Variants in NECAB1 observed in about 807,000 individuals in gnomAD.
NECAB1 encodes the protein N-terminal EF-hand calcium binding protein 1, also known as N-terminal EF-hand calcium-binding protein 1.
Under a neutral mutation model 57.5 loss-of-function variants are expected in NECAB1, and 29 were observed. That is an observed-to-expected ratio of 0.50 (90% CI 0.38 to 0.69). The LOEUF is 0.69. Among genes scored for constraint, NECAB1 ranks in the 30% least tolerant of loss-of-function variants. NECAB1 has a pLI of 0.00. For missense variants in NECAB1, 372 were observed against 413.8 expected (o/e 0.90, Z 0.88); for synonymous variants, 142 against 147.7 (o/e 0.96, Z 0.28).
intron 5 of NECAB1, among the ~76,000 whole-genome samples, chr8:90,906,883 A>ATATATGTATG (rs1554574051): frequency 1.2e-5 from 1 of 80,758 alleles, no homozygotes; most frequent in Non-Finnish European, 2.4e-5. Flanking sequence ...ACACATATAT[A>ATATATGTATG]TATATATATA....
chr8:90,865,630 C>A (rs749368490), intron 3 of NECAB1, among the ~76,000 whole-genome samples: 4 of 152,170 alleles, frequency 2.6e-5, no homozygotes, highest in Non-Finnish European at 4.4e-5. Context: ...TCCACTTCTA[C>A]CCTGGTATGG....
chr8:90,879,199 T>C (rs1307150078), intron 4 of NECAB1, among the ~76,000 whole-genome samples: 1 of 146,638 alleles, frequency 6.8e-6, no homozygotes, highest in Non-Finnish European at 1.5e-5. Flanking sequence ...CTTTCTTTTT[T>C]TTTTTTTTTA....
intron 1 of NECAB1, among the ~76,000 whole-genome samples, chr8:90,800,820 G>A (rs756564810): frequency 6.6e-6 from 1 of 152,158 alleles, no homozygotes; most frequent in Non-Finnish European, 1.5e-5. Flanking sequence ...ACCGTGACCA[G>A]AGGGATATGA....
chr8:90,926,940 T>C (rs898662493), intron 7 of NECAB1, among the ~76,000 whole-genome samples: 13 of 152,054 alleles, frequency 8.5e-5, no homozygotes, highest in African/African-American at 3.1e-4. Flanking sequence ...AATTGAAGAA[T>C]TGGGAAAAAT....
At chr8:90,814,785 T>C (rs1250371493) in intron 2 of NECAB1, among the ~76,000 whole-genome samples, 2 of 152,008 alleles carry the variant, frequency 1.3e-5, no homozygotes, top group Non-Finnish European at 2.9e-5. Flanking sequence ...CTAGAAAAAA[T>C]TATTTCTCTG....
chr8:90,800,540 G>A (rs1468973410), intron 1 of NECAB1, among the ~76,000 whole-genome samples: 21 of 152,064 alleles, frequency 1.4e-4, no homozygotes, highest in Non-Finnish European at 5.9e-5. Context: ...AAGGAAGGTT[G>A]GATTTTATCA....
intron 5 of NECAB1, among the ~76,000 whole-genome samples, chr8:90,913,354 T>A (rs937521762): frequency 3.3e-5 from 4 of 122,654 alleles, no homozygotes; most frequent in Non-Finnish European, 6.3e-5. Context: ...CTTAATGATT[T>A]GTGTAACTAA....
chr8:90,886,323 T>C (rs1344598741), intron 5 of NECAB1, among the ~76,000 whole-genome samples: 1 of 152,086 alleles, frequency 6.6e-6, no homozygotes, highest in African/African-American at 2.4e-5. Flanking sequence ...CTATACTATT[T>C]CTTGATTGAC....
chr8:90,852,522 AACCT>A (rs1434365860), intron 3 of NECAB1, among the ~76,000 whole-genome samples: 1 of 152,114 alleles, frequency 6.6e-6, no homozygotes, highest in Non-Finnish European at 1.5e-5. Flanking sequence ...CCAAAATGAG[AACCT>A]ACATCCTTGT....
At chr8:90,889,613 T>C in intron 5 of NECAB1, among the ~76,000 whole-genome samples, 1 of 152,216 alleles carries the variant, frequency 6.6e-6, no homozygotes, top group East Asian at 1.9e-4. Flanking sequence ...GAGTTGCTTT[T>C]GAGCTCACTT....
At chr8:90,915,618 A>G (rs1809931047) in intron 5 of NECAB1, among the ~76,000 whole-genome samples, 1 of 152,166 alleles carries the variant, frequency 6.6e-6, no homozygotes, top group African/African-American at 2.4e-5. Context: ...AGATGTTTAT[A>G]TGAAGGGAGT....
intron 3 of NECAB1, among the ~76,000 whole-genome samples, chr8:90,850,778 C>G (rs1812668086): frequency 6.6e-6 from 1 of 152,156 alleles, no homozygotes; most frequent in South Asian, 2.1e-4. Flanking sequence ...TATAGTTGAT[C>G]TTTGTCCCTG....
intron 1 of NECAB1, among the ~76,000 whole-genome samples, chr8:90,797,186 C>T (rs1811676261): frequency 6.6e-6 from 1 of 152,164 alleles, no homozygotes; most frequent in Non-Finnish European, 1.5e-5. Context: ...TAATCTGGGT[C>T]TCATTTTGCT....
intron 5 of NECAB1, among the ~76,000 whole-genome samples, chr8:90,898,881 C>T (rs1220379599): frequency 6.6e-6 from 1 of 152,200 alleles, no homozygotes; most frequent in African/African-American, 2.4e-5. Flanking sequence ...GAGATTCGTT[C>T]ATGTGGCACA....
intron 2 of NECAB1, among the ~76,000 whole-genome samples, chr8:90,807,731 A>G (rs1811875956): frequency 6.6e-6 from 1 of 152,222 alleles, no homozygotes; most frequent in Non-Finnish European, 1.5e-5. Flanking sequence ...GAAACTGAGA[A>G]TCAGATAACT....
At chr8:90,897,240 C>G (rs571062120) in intron 5 of NECAB1, among the ~76,000 whole-genome samples, 4 of 152,132 alleles carry the variant, frequency 2.6e-5, no homozygotes, top group Non-Finnish European at 5.9e-5. Context: ...CACTTATCTG[C>G]GATTCCAAAA....
At chr8:90,893,475 G>A (rs1333275796) in intron 5 of NECAB1, among the ~76,000 whole-genome samples, 4 of 152,128 alleles carry the variant, frequency 2.6e-5, no homozygotes, top group Non-Finnish European at 5.9e-5. Context: ...TCAATCACCC[G>A]GAAGGGAAGA....
intron 3 of NECAB1, among the ~76,000 whole-genome samples, chr8:90,849,870 G>T (rs937738): frequency 0.47 from 70,773 of 151,568 alleles, 19,982 homozygotes; most frequent in East Asian, 0.77. Flanking sequence ...CGGCCATAGT[G>T]GATCATTGTG....
At chr8:90,947,303 TAC>T (rs71771328) in intron 10 of NECAB1, among the ~76,000 whole-genome samples, 13,260 of 77,970 alleles carry the variant, frequency 0.17, 812 homozygotes, top group Middle Eastern at 0.24. Flanking sequence ...TAACAACACA[TAC>T]ACACACACAC....
Sources: gnomAD v4.1 joint callset for allele counts (sites outside exome capture counted in the v4.1 genomes callset) on GRCh38, gnomAD v4.1.1 for gene constraint, MANE v1.5 for transcripts, NCBI Gene and HGNC (gene_info 2026-07-23, HGNC 2026-07-21) for gene names.